KCNJ10: variants seen among roughly 807,000 people sequenced by gnomAD.
KCNJ10 encodes the protein ATP-sensitive inward rectifier potassium channel 10.
In KCNJ10, 9 loss-of-function variants were observed where a neutral mutation model predicts 22.2. That is an observed-to-expected ratio of 0.40 (90% CI 0.24 to 0.71). KCNJ10 has a LOEUF of 0.71. Among genes scored for constraint, KCNJ10 ranks in the 30% least tolerant of loss-of-function variants. The pLI, the probability that KCNJ10 is intolerant of heterozygous loss-of-function variation, is 0.35. For missense variants in KCNJ10, 337 were observed against 482.7 expected, an observed-to-expected ratio of 0.70 and a Z score of 2.83; for synonymous variants, 184 against 187.3, an observed-to-expected ratio of 0.98 and a Z score of 0.15.
Position 160,041,961 on chromosome 1 carries a change from T to C in KCNJ10, c.572A>G (p.Asn191Ser). The part of the protein sequence containing the change: ...FSQHAVVASH[N>S]GKPCLMIRVA... The stretch of plus-strand genomic sequence containing the variant: ...TCGGATCATGAGGCAGGGCTTGCCA[T>C]TGTGGGAGGCCACAACTGCATGCTG... Residue 191 changes from asparagine to serine, a missense_variant, in exon 2 of 2, where the codon AAT becomes AGT. By Grantham distance (46) the Asn-to-Ser change is conservative (BLOSUM62 1). This residue lies in a region of KCNJ10 where 165 missense variants were observed against 281.5 expected (regional missense o/e 0.59). Coordinates refer to ENST00000644903, the MANE Select transcript of KCNJ10 (RefSeq NM_002241.5). The surrounding 1 kb of genome is among the most constrained non-coding windows in gnomAD (Gnocchi z 4.4). 1 of 1,606,426 alleles carries C rather than the reference T, an allele frequency of 6.2e-7. No individual in the cohort carries two copies. Among genetic ancestry groups the C allele is most frequent in the Non-Finnish European group, 8.5e-7 (1 of 1,175,118 alleles).
At position 160,042,047 on chromosome 1, in the gene KCNJ10, T is replaced by C; in HGVS notation, c.486A>G (p.Thr162=). ...GGGCAATCTTCGCCAGGAAGGTACC[T>C]GTGATGAAGATTTCCAGGATGGTGG... The part of the protein sequence containing the change: ...VLTTILEIFI[T]GTFLAKIARP... The change falls in exon 2 of 2, where the codon ACA becomes ACG. Residue 162 remains threonine, a synonymous_variant. Transcript: ENST00000644903. 1 of 1,555,922 alleles carries C rather than the reference T, an allele frequency of 6.4e-7. No homozygotes were observed. Among genetic ancestry groups the C allele is most frequent in the Non-Finnish European group, 8.7e-7 (1 of 1,150,588 alleles).
intron 1 of KCNJ10, among the ~76,000 whole-genome samples, chr1:160,060,049 T>C (rs1649148894): frequency 1.3e-5 from 2 of 152,190 alleles, no homozygotes; most frequent in Admixed American, 1.3e-4. Context: ...CCTTTCCTTC[T>C]TGGGGCTCCT....
At chr1:160,056,066 C>G (rs1571272315) in intron 1 of KCNJ10, among the ~76,000 whole-genome samples, 1 of 152,270 alleles carries the variant, frequency 6.6e-6, no homozygotes, top group East Asian at 1.9e-4. Flanking sequence ...CCCCTGCTTT[C>G]TCTCTTCCCC....
chr1:160,061,233 G>T (rs911111306), intron 1 of KCNJ10, among the ~76,000 whole-genome samples: 3 of 152,124 alleles, frequency 2.0e-5, no homozygotes, highest in Non-Finnish European at 4.4e-5. Flanking sequence ...AAAACTAGCG[G>T]TGAGAGACCT....
chr1:160,057,964 G>A (rs1041463507), intron 1 of KCNJ10, among the ~76,000 whole-genome samples: 2 of 151,998 alleles, frequency 1.3e-5, no homozygotes, highest in African/African-American at 2.4e-5. Flanking sequence ...TCCCCATTGT[G>A]AGAGCACCCC....
rs147152415 is a variant in KCNJ10, at chr1:160,058,514, A to G, written c.-1+11508T>C. ...GCCAAAACTTGTCCAGAGGCAGACA[A>G]CTCTGAACTTAAAGCTTCTTCCTGC... On this transcript the variant is annotated intron_variant, in intron 1 of 1. Transcript: ENST00000644903. 2.1e-3 allele frequency among the ~76,000 whole-genome samples: 315 copies of G among 152,246 alleles called. 3 individuals carry two copies. The highest frequency in any genetic ancestry group is 7.1e-3 in the African/African-American group (296 of 41,542).
intron 1 of KCNJ10, chr1:160,064,669 C>CAGTG (rs1248751237): frequency 6.6e-6 from 1 of 152,152 alleles, no homozygotes; most frequent in Non-Finnish European, 1.5e-5. Context: ...GTTTAAAAAC[C>CAGTG]AGTGCTCTAG....
intron 1 of KCNJ10, among the ~76,000 whole-genome samples, chr1:160,047,651 A>C (rs1648780070): frequency 6.6e-6 from 1 of 152,204 alleles, no homozygotes; most frequent in African/African-American, 2.4e-5. Flanking sequence ...TCTCAAAAAA[A>C]CAATTCATCT....
chr1:160,049,818 C>T (rs1476375468), intron 1 of KCNJ10, among the ~76,000 whole-genome samples: 1 of 149,710 alleles, frequency 6.7e-6, no homozygotes, highest in Non-Finnish European at 1.5e-5. Flanking sequence ...TAACCCACTC[C>T]AGCCATAGGG....
chr1:160,041,131 C>A lies in KCNJ10; in HGVS notation c.*262G>T. Reference sequence around the variant, plus strand: ...ATGGCTGAGGCCTTCTAAGCCACTTCAGCCTAATCCCACTCTTTCCCCCAT... The same window carrying A: ...ATGGCTGAGGCCTTCTAAGCCACTTAAGCCTAATCCCACTCTTTCCCCCAT... On this transcript the variant is annotated 3_prime_UTR_variant, in exon 2 of 2. Coordinates refer to ENST00000644903, the MANE Select transcript of KCNJ10 (RefSeq NM_002241.5). The surrounding 1 kb of genome is among the most constrained non-coding windows in gnomAD (Gnocchi z 4.4). 1.9e-6 allele frequency: 1 copy of A among 537,550 alleles called. No individual in the cohort carries two copies. Among genetic ancestry groups the A allele is most frequent in the South Asian group, 2.1e-5 (1 of 48,500 alleles). The allele number at this position is 537,550 out of a possible 1,614,324, so 33.3% of individuals were successfully genotyped here.
rs1000595958 is a variant in KCNJ10, at chr1:160,039,392, A to G, written c.*2001T>C. 5.5e-4 allele frequency: 83 copies of G among 150,412 alleles called. No homozygotes were observed. The highest frequency in any genetic ancestry group is 2.0e-3 in the African/African-American group (80 of 39,458). The allele number at this position is 150,412 out of a possible 1,614,324, so 9.3% of individuals were successfully genotyped here. A position where few individuals can be genotyped will look rare whatever the true frequency, so the allele number is the denominator to read the frequency against. On this transcript the variant is annotated 3_prime_UTR_variant, in exon 2 of 2. Coordinates refer to ENST00000644903, the MANE Select transcript of KCNJ10 (RefSeq NM_002241.5). ...GGTATAGACACACACACACACACAC[A>G]CACACACACACACACACACACACAC...
intron 1 of KCNJ10, among the ~76,000 whole-genome samples, chr1:160,058,227 G>C (rs2101932753): frequency 6.6e-6 from 1 of 152,164 alleles, no homozygotes; most frequent in South Asian, 2.1e-4. Context: ...TCCTTCCTCT[G>C]AGCTTCCCAT....
chr1:160,048,999 T>G (rs959899399), intron 1 of KCNJ10, among the ~76,000 whole-genome samples: 2 of 152,188 alleles, frequency 1.3e-5, no homozygotes, highest in African/African-American at 4.8e-5. Flanking sequence ...ATCCAGTACT[T>G]TAGAAAGCAC....
intron 1 of KCNJ10, among the ~76,000 whole-genome samples, chr1:160,043,009 T>C (rs1206222268): frequency 6.6e-6 from 1 of 151,708 alleles, no homozygotes; most frequent in Non-Finnish European, 1.5e-5. Context: ...ACTCACAGCC[T>C]AGTGAGAAAG....
At position 160,041,206 on chromosome 1, in the gene KCNJ10, A is replaced by G; in HGVS notation, c.*187T>C. On this transcript the variant is annotated 3_prime_UTR_variant, in exon 2 of 2. Coordinates refer to ENST00000644903, the MANE Select transcript of KCNJ10 (RefSeq NM_002241.5). This position sits in a 1 kb window ranked among gnomAD's most constrained non-coding sequence, Gnocchi z 4.4. ...TTGGGGCAGAAGCTGGGGAAGTGGA[A>G]AGGGGACAGTGGGAGGCGAACCTGG... The G allele has an allele frequency of 1.6e-6, 1 of 631,714 alleles. No homozygotes were observed. Among genetic ancestry groups the G allele is most frequent in the Non-Finnish European group, 2.8e-6 (1 of 353,560 alleles). The allele number at this position is 631,714 out of a possible 1,614,324, so 39.1% of individuals were successfully genotyped here. A position where few individuals can be genotyped will look rare whatever the true frequency, so the allele number is the denominator to read the frequency against.
chr1:160,067,974 G>A (rs1459304191), intron 1 of KCNJ10: 1 of 152,166 alleles, frequency 6.6e-6, no homozygotes, highest in Non-Finnish European at 1.5e-5. Context: ...AGGTCCCCGG[G>A]TCCTCTGCCA....
intron 1 of KCNJ10, among the ~76,000 whole-genome samples, chr1:160,067,566 C>A (rs1649349651): frequency 6.6e-6 from 1 of 152,218 alleles, no homozygotes; most frequent in East Asian, 1.9e-4. Context: ...CCACTGCTAT[C>A]CTGGACAGCT....
intron 1 of KCNJ10, among the ~76,000 whole-genome samples, chr1:160,052,988 G>A (rs1438446031): frequency 6.6e-6 from 1 of 152,172 alleles, no homozygotes; most frequent in East Asian, 1.9e-4. Context: ...AATGGCTTGA[G>A]ACAAAAAGAG....
In KCNJ10 at chr1:160,041,400, T is replaced by C. The variant is rs1475820702; in HGVS notation, c.1133A>G (p.Asn378Ser). 1 of 1,612,510 alleles carries C rather than the reference T, an allele frequency of 6.2e-7. No individual in the cohort carries two copies. Among genetic ancestry groups the C allele is most frequent in the African/African-American group, 1.3e-5 (1 of 75,010 alleles). Residue 378 changes from asparagine (N) to serine (S), a missense_variant, in exon 2 of 2, where the codon AAT becomes AGT. Physicochemically the swap from Asn to Ser is conservative, Grantham distance 46. Coordinates refer to ENST00000644903, the MANE Select transcript of KCNJ10 (RefSeq NM_002241.5). The surrounding 1 kb of genome is among the most constrained non-coding windows in gnomAD (Gnocchi z 4.4). Reference sequence around the variant, plus strand: ...GGGAGTGGGAACAGGTCATCAGACATTGCTGATGCGCACACTAAGGGCACT... The same window carrying C: ...GGGAGTGGGAACAGGTCATCAGACACTGCTGATGCGCACACTAAGGGCACT... ...EGSALSVRIS[N>S]V
Sources: gnomAD v4.1 joint callset for allele counts (sites outside exome capture counted in the v4.1 genomes callset) on GRCh38, gnomAD v4.1.1 for gene constraint, gnomAD v4.1.1 regional missense constraint, Gnocchi (gnomAD v3.1) non-coding constraint, MANE v1.5 for transcripts, NCBI Gene and HGNC (gene_info 2026-07-23, HGNC 2026-07-21) for gene names.